Variants in VPS8 observed in about 807,000 individuals in gnomAD.
VPS8 encodes VPS8 subunit of CORVET complex.
In VPS8, 129 loss-of-function variants were observed where a neutral mutation model predicts 216.4. That is an observed-to-expected ratio of 0.60 (90% CI 0.52 to 0.69). The LOEUF (loss-of-function observed/expected upper bound fraction) is 0.69, where lower values mean the gene tolerates loss of function less well. VPS8 is among the 30% of genes least tolerant of loss of function. VPS8 has a pLI of 0.00. For missense variants in VPS8, 1,531 were observed against 1,683.5 expected (o/e 0.91, Z 1.59); for synonymous variants, 571 against 565.4 (o/e 1.01, Z -0.14).
chr3:184,981,227 T>C (rs1178389873), intron 40 of VPS8, among the ~76,000 whole-genome samples: 1 of 151,938 alleles, frequency 6.6e-6, no homozygotes, highest in East Asian at 1.9e-4. Context: ...AATGCTCCAG[T>C]GGGGGCTGCC....
chr3:184,922,255 A>G (rs1373210500), intron 29 of VPS8, among the ~76,000 whole-genome samples: 2 of 152,218 alleles, frequency 1.3e-5, no homozygotes, highest in African/African-American at 4.8e-5. Context: ...ATCTAGGTTG[A>G]TTAGTTGCTC....
At chr3:184,836,216 G>A in intron 5 of VPS8, 1 of 455,232 alleles carries the variant, frequency 2.2e-6, no homozygotes, top group Non-Finnish European at 4.4e-6. Flanking sequence ...AGCAATAGAG[G>A]AAACCTGGGC....
At chr3:185,037,973 A>C (rs1759135971) in intron 46 of VPS8, among the ~76,000 whole-genome samples, 1 of 152,134 alleles carries the variant, frequency 6.6e-6, no homozygotes, top group Non-Finnish European at 1.5e-5. Flanking sequence ...CTCTTCCAGG[A>C]AGTTTGTTTC....
At chr3:185,015,302 A>G (rs1755634035) in intron 45 of VPS8, among the ~76,000 whole-genome samples, 1 of 152,230 alleles carries the variant, frequency 6.6e-6, no homozygotes, top group Non-Finnish European at 1.5e-5. Flanking sequence ...GAGTGATATA[A>G]AAAGGGTGCA....
intron 15 of VPS8, among the ~76,000 whole-genome samples, chr3:184,861,231 A>G (rs529031368): frequency 6.6e-6 from 1 of 152,322 alleles, no homozygotes; most frequent in South Asian, 2.1e-4. Flanking sequence ...CTGGGTTCCC[A>G]TCATTAATAC....
rs766300549 is a variant in VPS8 at position 184,915,421 on chromosome 3, A to G, written c.2329A>G (p.Ile777Val). Reference protein sequence around the residue: ...ASPEEEIYPYIRTLLHFDTRE... With the variant: ...ASPEEEIYPYVRTLLHFDTRE... ...TCCTGAGGAAGAAATCTATCCTTAC[A>G]TTCGGACTTTGCTACATTTTGACAC... is the stretch of plus-strand genomic sequence containing the variant. Residue 777 changes from isoleucine to valine, a missense_variant, in exon 28 of 48, where the codon ATT becomes GTT. Ile to Val is a conservative substitution (Grantham distance 29). Coordinates refer to ENST00000625842, the MANE Select transcript of VPS8 (RefSeq NM_001009921.3). The G allele has an allele frequency of 1.2e-6, 2 of 1,613,876 alleles. No individual in the cohort carries two copies. Among genetic ancestry groups the G allele is most frequent in the Non-Finnish European group, 1.7e-6 (2 of 1,179,832 alleles).
intron 46 of VPS8, among the ~76,000 whole-genome samples, chr3:185,045,422 G>A (rs886103129): frequency 6.6e-6 from 1 of 152,112 alleles, no homozygotes; most frequent in Non-Finnish European, 1.5e-5. Flanking sequence ...AACTTGCCCT[G>A]TAGGGTGGCA....
chr3:185,029,621 G>A (rs1239246497), intron 46 of VPS8, among the ~76,000 whole-genome samples: 1 of 151,014 alleles, frequency 6.6e-6, no homozygotes, highest in East Asian at 1.9e-4. Flanking sequence ...TTGGAGTGCA[G>A]TGGTGTGATC....
chr3:184,933,131 C>T (rs1290148340), intron 34 of VPS8, among the ~76,000 whole-genome samples: 1 of 152,178 alleles, frequency 6.6e-6, no homozygotes, highest in East Asian at 1.9e-4. Context: ...ATAATCTCTG[C>T]TCTAGTGTAT....
At chr3:184,949,938 C>T (rs1472651131) in intron 36 of VPS8, among the ~76,000 whole-genome samples, 1 of 151,978 alleles carries the variant, frequency 6.6e-6, no homozygotes, top group African/African-American at 2.4e-5. Flanking sequence ...GACAGAGTCT[C>T]TCACTGTGTT....
intron 38 of VPS8, among the ~76,000 whole-genome samples, chr3:184,965,771 A>G (rs1346357043): frequency 6.6e-6 from 1 of 152,190 alleles, no homozygotes; most frequent in Non-Finnish European, 1.5e-5. Flanking sequence ...AACAAAGCAG[A>G]CAATACTTGG....
chr3:184,946,543 CT>C (rs1219762565), intron 36 of VPS8, among the ~76,000 whole-genome samples: 1 of 152,204 alleles, frequency 6.6e-6, no homozygotes, highest in Non-Finnish European at 1.5e-5. Context: ...CTGCCACTTT[CT>C]TAAAGCTCTT....
rs1737280896 is a variant in VPS8 at position 184,915,022 on chromosome 3, C to T, written c.2231C>T (p.Pro744Leu). 6.2e-7 allele frequency: 1 copy of T among 1,614,000 alleles called. No individual in the cohort carries two copies. The highest frequency in any genetic ancestry group is 8.5e-7 in the Non-Finnish European group (1 of 1,179,880). Reference sequence around the variant, plus strand: ...CGTGCCTATCCCCTTGGTGACATCCCTGAAGATCTGGTTCCCTTGGTTAAA... The same window carrying T: ...CGTGCCTATCCCCTTGGTGACATCCTTGAAGATCTGGTTCCCTTGGTTAAA... ...AGRAYPLGDI[P>L]EDLVPLVKNQ... The change falls in exon 27 of 48, where the codon CCT (proline) becomes CTT (leucine). Residue 744 changes from proline (P) to leucine (L), a missense_variant. Pro to Leu is a moderately conservative substitution (Grantham distance 98, BLOSUM62 -3). Around this residue, in one of 3 missense-constraint regions of VPS8, gnomAD observed 1,318 missense variants for 1,468.4 expected, o/e 0.90. Transcript: ENST00000625842.
chr3:184,936,825 C>T (rs1741734922), intron 35 of VPS8, among the ~76,000 whole-genome samples: 1 of 151,834 alleles, frequency 6.6e-6, no homozygotes, highest in African/African-American at 2.4e-5. Context: ...GCGAGCTCCG[C>T]CTCCCGGGTT....
intron 14 of VPS8, 148 bp from the exon 15 acceptor site, chr3:184,859,837 T>G (rs1725939775): frequency 3.6e-6 from 2 of 557,440 alleles, no homozygotes; most frequent in African/African-American, 3.8e-5. Flanking sequence ...ATTTTCATAA[T>G]CATTTGTGTA....
At chr3:184,828,200 C>A (rs1442606630) in intron 3 of VPS8, among the ~76,000 whole-genome samples, 1 of 152,136 alleles carries the variant, frequency 6.6e-6, no homozygotes, top group Non-Finnish European at 1.5e-5. Context: ...AGTGCAATGG[C>A]ACGATCTTGG....
chr3:184,880,347 C>T (rs1254279047), intron 21 of VPS8, among the ~76,000 whole-genome samples: 1 of 152,134 alleles, frequency 6.6e-6, no homozygotes, highest in African/African-American at 2.4e-5. Flanking sequence ...CTCTGATACC[C>T]AGTAGTCTGT....
intron 46 of VPS8, among the ~76,000 whole-genome samples, chr3:185,030,271 A>G (rs1561196057): frequency 6.6e-6 from 1 of 152,184 alleles, no homozygotes; most frequent in Non-Finnish European, 1.5e-5. Flanking sequence ...CCAACCAAGA[A>G]TGTTCACAGA....
chr3:184,814,066 A>G (rs888844756), intron 1 of VPS8, among the ~76,000 whole-genome samples: 2 of 152,350 alleles, frequency 1.3e-5, no homozygotes, highest in African/African-American at 4.8e-5. Context: ...GCAAGGAAAT[A>G]TAGCTTTGCG....
Sources: gnomAD v4.1 joint callset for allele counts (sites outside exome capture counted in the v4.1 genomes callset) on GRCh38, gnomAD v4.1.1 for gene constraint, gnomAD v4.1.1 regional missense constraint, MANE v1.5 for transcripts, NCBI Gene and HGNC (gene_info 2026-07-23, HGNC 2026-07-21) for gene names.